EFCAB12: variants seen among roughly 807,000 people sequenced by gnomAD.
EFCAB12 encodes the protein EF-hand calcium binding domain 12, also known as EF-hand calcium-binding domain-containing protein 12.
Under a neutral mutation model 53.6 loss-of-function variants are expected in EFCAB12, and 43 were observed. The observed-to-expected ratio is 0.80, with a 90% CI of 0.63 to 1.03. The LOEUF is 1.03. EFCAB12 is among the 50% of genes least tolerant of loss of function. The pLI is 0.00. For synonymous variants in EFCAB12, 269 were observed against 289.2 expected, an observed-to-expected ratio of 0.93 and a Z score of 0.71; for missense variants, 646 against 730.6, an observed-to-expected ratio of 0.88 and a Z score of 1.34.
chr3:129,414,235 T>C (rs1343426316), intron 4 of EFCAB12: 2 of 152,258 alleles, frequency 1.3e-5, no homozygotes. Flanking sequence ...GAAAATCTCC[T>C]GGAGGACTGA....
At chr3:129,418,568 T>A (rs1410300887) in intron 2 of EFCAB12, 120 bp from the exon 3 acceptor site, 3 of 871,368 alleles carry the variant, frequency 3.4e-6, no homozygotes, top group Non-Finnish European at 4.9e-6. Flanking sequence ...CAGGATAGAG[T>A]ACAAAGGGCA....
chr3:129,423,753 A>G (rs2072217240), intron 1 of EFCAB12, among the ~76,000 whole-genome samples: 1 of 152,140 alleles, frequency 6.6e-6, no homozygotes. Flanking sequence ...CTCTAGAGTA[A>G]AGTTCAAGCT....
intron 1 of EFCAB12, among the ~76,000 whole-genome samples, chr3:129,426,179 C>T (rs888715445): frequency 2.0e-5 from 3 of 152,070 alleles, no homozygotes; most frequent in Non-Finnish European, 4.4e-5. Flanking sequence ...TTGTTGCTTC[C>T]AGGCTTATAC....
intron 4 of EFCAB12, 181 bp from the exon 5 acceptor site, chr3:129,411,535 C>T (rs2072040595): frequency 1.8e-6 from 1 of 543,748 alleles, no homozygotes; most frequent in Non-Finnish European, 3.1e-6. Context: ...TGGCCCTCCT[C>T]TCCATCTCCA....
chr3:129,428,529 A>G lies in EFCAB12; in HGVS notation c.-41T>C, dbSNP rs1559794927. 2 of 1,599,194 alleles carry G rather than the reference A, an allele frequency of 1.3e-6. No homozygotes were observed. Among genetic ancestry groups the G allele is most frequent in the South Asian group, 2.3e-5 (2 of 88,800 alleles). ...AGGGGGTGCTGAAGGGCGTGTGTGA[A>G]TGTGTGTCGATGTGGGCTTGCTTGC... On this transcript the variant is annotated 5_prime_UTR_variant, in exon 1 of 9. Transcript: ENST00000505956.
At chr3:129,410,014 A>G (rs190136095) in intron 5 of EFCAB12, among the ~76,000 whole-genome samples, 3 of 147,118 alleles carry the variant, frequency 2.0e-5, no homozygotes, top group Admixed American at 6.8e-5. Context: ...TTATTTATTT[A>G]TTTTTTTTTT....
intron 1 of EFCAB12, among the ~76,000 whole-genome samples, chr3:129,426,743 CAT>C (rs1344369175): frequency 6.6e-6 from 1 of 151,862 alleles, no homozygotes; most frequent in African/African-American, 2.4e-5. Context: ...GTGGCTCAAT[CAT>C]AGCTCACTGC....
intron 4 of EFCAB12, chr3:129,412,089 T>G (rs2072049145): frequency 6.6e-6 from 1 of 152,280 alleles, no homozygotes; most frequent in Non-Finnish European, 1.5e-5. Flanking sequence ...TGTGCACCTG[T>G]AGTAGTTACT....
chr3:129,418,651 A>C, intron 2 of EFCAB12: 2 of 442,472 alleles, frequency 4.5e-6, no homozygotes, highest in Non-Finnish European at 4.0e-6. Context: ...TGGTTTTCTC[A>C]TCTGAAAAAC....
intron 2 of EFCAB12, 181 bp from the exon 3 acceptor site, chr3:129,418,629 T>C: frequency 4.3e-6 from 2 of 467,902 alleles, no homozygotes; most frequent in Non-Finnish European, 3.6e-6. Context: ...GAGACTTTGC[T>C]TCTCTGAGCC....
intron 4 of EFCAB12, chr3:129,413,981 C>A (rs2072079976): frequency 6.6e-6 from 1 of 152,182 alleles, no homozygotes; most frequent in Non-Finnish European, 1.5e-5. Flanking sequence ...CAGCCAGCTA[C>A]ACAGATAATG....
At position 129,408,778 on chromosome 3, in the gene EFCAB12, G is replaced by A. The variant is rs759059382; in HGVS notation, c.1116C>T (p.Leu372=). The A allele has an allele frequency of 5.1e-6, 8 of 1,578,552 alleles. No homozygotes were observed. The highest frequency in any genetic ancestry group is 6.0e-6 in the Non-Finnish European group (7 of 1,161,834). ...TCATATCCCCGTGGATGGTGGACGG[G>A]AGGCAGTGCTCATCAAAGTGCCGAT... is the stretch of plus-strand genomic sequence containing the variant. ...CGNRHFDEHC[L]PSTIHGDMRE... The change falls in exon 6 of 9, where the codon CTC becomes CTT. Residue 372 remains leucine, a synonymous_variant. Transcript: ENST00000505956.
At position 129,418,334 on chromosome 3, in the gene EFCAB12, T is replaced by C; in HGVS notation, c.601A>G (p.Ile201Val). 6.2e-7 allele frequency: 1 copy of C among 1,613,872 alleles called. No individual in the cohort carries two copies. The highest frequency in any genetic ancestry group is 8.5e-7 in the Non-Finnish European group (1 of 1,179,796). ...YSYLHSRKIK[I>V]LEIFHKVGQG... ...CCCACCTTGTGAAATATCTCCAGGATCTTGATCTTGCGGCTATGCAGGTAG... is the reference window on the plus strand; with the variant it reads ...CCCACCTTGTGAAATATCTCCAGGACCTTGATCTTGCGGCTATGCAGGTAG... Residue 201 changes from isoleucine to valine, a missense_variant, in exon 3 of 9, where the codon ATC becomes GTC. Transcript: ENST00000505956.
intron 4 of EFCAB12, chr3:129,412,188 G>A (rs56182324): frequency 0.19 from 29,412 of 152,004 alleles, 3,918 homozygotes; most frequent in East Asian, 0.46. Context: ...AACCTGGATG[G>A]CAGAGCAAGA....
chr3:129,425,553 A>G (rs1559793651), intron 1 of EFCAB12, among the ~76,000 whole-genome samples: 1 of 152,044 alleles, frequency 6.6e-6, no homozygotes, highest in Admixed American at 6.6e-5. Context: ...TGGCCGAGTC[A>G]TTCTCCTCAC....
chr3:129,408,846 AG>A lies in EFCAB12; in HGVS notation c.1047del (p.Ser350ProfsTer31). 6.4e-7 allele frequency: 1 copy of A among 1,569,786 alleles called. No individual in the cohort carries two copies. The highest frequency in any genetic ancestry group is 8.6e-7 in the Non-Finnish European group (1 of 1,157,510). ...TGACATTGCTCCGTGTACTGGATGG[AG>A]GGGATCGTGAGCTGCGAAGGAAGCA... is the stretch of plus-strand genomic sequence containing the variant. ...ERQRQHKLTIPSIQYTEQCHL... is the reference protein window; with the variant it reads ...ERQRQHKLTIXSIQYTEQCHL... On this transcript the variant is annotated frameshift_variant, in exon 6 of 9. Coordinates refer to ENST00000505956, the MANE Select transcript of EFCAB12 (RefSeq NM_207307.3). LOFTEE classifies it high-confidence loss of function.
chr3:129,411,491 GC>G, intron 4 of EFCAB12, 137 bp from the exon 5 acceptor site: 1 of 797,856 alleles, frequency 1.3e-6, no homozygotes, highest in Non-Finnish European at 1.9e-6. Context: ...TCTGGGCAGT[GC>G]CCACCTAAGC....
intron 5 of EFCAB12, 103 bp downstream of exon 5, chr3:129,411,055 C>G (rs2072030797): frequency 7.6e-7 from 1 of 1,317,330 alleles, no homozygotes; most frequent in Admixed American, 2.5e-5. Flanking sequence ...CGAAGACCCC[C>G]CTCCCCAGGG....
In EFCAB12 at chr3:129,421,417, C is replaced by A; in HGVS notation, c.436G>T (p.Glu146Ter). ...GAGGCATTTGGCTGGGCACTCTGCT[C>A]CTCGTGGATCATGTGTAAGACCTTG... Reference protein sequence around the residue: ...EAKVLHMIHEEQSAQPNASQA... With the variant: ...EAKVLHMIHE The change falls in exon 2 of 9, where the codon GAG (glutamate) becomes TAG (stop). Residue 146 changes from glutamate (E) to a stop codon, truncating the protein, a stop_gained. Transcript: ENST00000505956. LOFTEE classifies it high-confidence loss of function. 6.2e-7 allele frequency: 1 copy of A among 1,613,544 alleles called. No individual in the cohort carries two copies. Among genetic ancestry groups the A allele is most frequent in the Non-Finnish European group, 8.5e-7 (1 of 1,179,540 alleles).
Sources: allele counts gnomAD v4.1 joint callset (sites outside exome capture counted in the v4.1 genomes callset), GRCh38; gene constraint gnomAD v4.1.1; transcripts MANE v1.5; gene names NCBI Gene and HGNC (gene_info 2026-07-23, HGNC 2026-07-21).